The following KIAA0319L variants were observed in gnomAD, a reference collection of about 807,000 sequenced individuals.
The protein encoded by KIAA0319L is dyslexia-associated protein KIAA0319-like protein.
A neutral mutation model predicts 120.1 loss-of-function variants in KIAA0319L; 55 were observed. The observed-to-expected ratio is 0.46, with a 90% confidence interval of 0.37 to 0.57. KIAA0319L has a LOEUF of 0.57. KIAA0319L is among the 20% of genes least tolerant of loss of function. The pLI is 0.00. For missense variants in KIAA0319L, 1,049 were observed against 1,255.3 expected (o/e 0.84, Z 2.48); for synonymous variants, 398 against 471.9 (o/e 0.84, Z 2.03).
intron 4 of KIAA0319L, among the ~76,000 whole-genome samples, chr1:35,475,966 T>A (rs1207363967): frequency 6.6e-6 from 1 of 152,250 alleles, no homozygotes; most frequent in East Asian, 1.9e-4. Flanking sequence ...CTGCGGTGTT[T>A]GCCTTGCTTT....
intron 2 of KIAA0319L, among the ~76,000 whole-genome samples, chr1:35,521,495 A>C (rs1028873909): frequency 6.6e-6 from 1 of 151,166 alleles, no homozygotes; most frequent in Non-Finnish European, 1.5e-5. Flanking sequence ...TTAGTTGGGC[A>C]TGGTGGTGGG....
Position 35,434,427 on chromosome 1 carries a change from A to C in KIAA0319L, c.*467T>G. On this transcript the variant is annotated 3_prime_UTR_variant, in exon 21 of 21. Transcript: ENST00000325722. ...CCATCTCAGCATCTGTGGTGAGGGG[A>C]GGGGTGCCACTTCCTCTTTGCCCAG... 1 of 154,378 alleles carries C rather than the reference A, an allele frequency of 6.5e-6. No individual in the cohort carries two copies. Among genetic ancestry groups the C allele is most frequent in the Non-Finnish European group, 1.4e-5 (1 of 69,778 alleles). 9.6% of individuals were successfully genotyped at this position (154,378 alleles called of 1,614,324 possible). A position where few individuals can be genotyped will look rare whatever the true frequency, so the allele number is the denominator to read the frequency against.
At chr1:35,530,795 C>T (rs904966883) in intron 2 of KIAA0319L, among the ~76,000 whole-genome samples, 1 of 152,050 alleles carries the variant, frequency 6.6e-6, no homozygotes, top group Non-Finnish European at 1.5e-5. Context: ...GGCTTTGATT[C>T]TGGATGCATG....
At chr1:35,503,408 C>A (rs1645081018) in intron 3 of KIAA0319L, among the ~76,000 whole-genome samples, 1 of 152,214 alleles carries the variant, frequency 6.6e-6, no homozygotes, top group Non-Finnish European at 1.5e-5. Context: ...ACTCCAGGAA[C>A]TTTCTGGAAA....
intron 8 of KIAA0319L, among the ~76,000 whole-genome samples, chr1:35,461,723 A>G (rs1642906632): frequency 6.6e-6 from 1 of 152,174 alleles, no homozygotes; most frequent in African/African-American, 2.4e-5. Flanking sequence ...ACTTTCACCT[A>G]TTCAAAACTG....
intron 2 of KIAA0319L, among the ~76,000 whole-genome samples, chr1:35,523,957 A>C (rs545648794): frequency 5.3e-5 from 8 of 152,332 alleles, no homozygotes; most frequent in African/African-American, 1.9e-4. Flanking sequence ...ACCAAGTTAC[A>C]CAAGAATGTC....
intron 15 of KIAA0319L, 70 bp downstream of exon 15, chr1:35,449,797 G>A (rs1395086694): frequency 1.0e-5 from 16 of 1,542,596 alleles, no homozygotes; most frequent in East Asian, 2.3e-5. Flanking sequence ...CGGGGAAGGG[G>A]ATCTCAGGAT....
rs1383838798 is a variant in KIAA0319L at position 35,554,414 on chromosome 1, C to A, written c.78G>T (p.Lys26Asn). Residue 26 changes from lysine (K) to asparagine (N), a missense_variant, in exon 2 of 21, where the codon AAG becomes AAT. Transcript: ENST00000325722. The part of the protein sequence containing the change: ...LSGYYWQTSA[K>N]WLRSLYLFYT... ...AAAACAGGTACAGGCTTCTCAACCA[C>A]TTCGCAGATGTCTGCCAATAATATC... The A allele has an allele frequency of 6.2e-7, 1 of 1,613,496 alleles. No individual in the cohort carries two copies. Among genetic ancestry groups the A allele is most frequent in the South Asian group, 1.1e-5 (1 of 90,966 alleles).
In KIAA0319L at chr1:35,466,605, T is replaced by A; in HGVS notation, c.1201+3A>T. ...GGAGACACAGCCAGGGCTGAAAACA[T>A]ACCTGGCTTGACTGTCACGTTCACA... On this transcript the variant is annotated splice_donor_region_variant and intron_variant, in intron 7 of 20. Transcript: ENST00000325722. The A allele has an allele frequency of 6.2e-7, 1 of 1,604,762 alleles. No individual in the cohort carries two copies. The highest frequency in any genetic ancestry group is 8.5e-7 in the Non-Finnish European group (1 of 1,171,714).
intron 2 of KIAA0319L, among the ~76,000 whole-genome samples, chr1:35,530,061 A>G (rs2148465841): frequency 6.6e-6 from 1 of 151,374 alleles, no homozygotes; most frequent in South Asian, 2.1e-4. Context: ...TTTTGGAGAC[A>G]GGGTCTCATT....
intron 2 of KIAA0319L, among the ~76,000 whole-genome samples, chr1:35,528,593 T>C (rs1646243428): frequency 6.6e-6 from 1 of 152,230 alleles, no homozygotes; most frequent in Non-Finnish European, 1.5e-5. Context: ...ATTTTGCAGT[T>C]GGTAGATGAA....
intron 18 of KIAA0319L, 113 bp from the exon 19 acceptor site, chr1:35,442,449 G>A: frequency 1.3e-6 from 1 of 795,936 alleles, no homozygotes; most frequent in Non-Finnish European, 2.2e-6. Flanking sequence ...GAATGCCTCA[G>A]GCTCCCCAGG....
At chr1:35,451,583 TCTGACCCTAAGAGG>T in intron 13 of KIAA0319L, 31 bp downstream of exon 13, 1 of 1,580,642 alleles carries the variant, frequency 6.3e-7, no homozygotes, top group Non-Finnish European at 8.7e-7. Flanking sequence ...TCTTCAGCTA[TCTGACCCTAAGAGG>T]CTGCTACACA....
At chr1:35,481,652 T>C (rs565278827) in intron 3 of KIAA0319L, among the ~76,000 whole-genome samples, 113 of 152,144 alleles carry the variant, frequency 7.4e-4, no homozygotes, top group Middle Eastern at 3.4e-3. Flanking sequence ...TACAATAAAT[T>C]GAACATACAT....
intron 8 of KIAA0319L, 151 bp from the exon 9 acceptor site, chr1:35,460,588 G>C: frequency 1.5e-6 from 1 of 669,952 alleles, no homozygotes; most frequent in South Asian, 2.2e-5. Context: ...TTCTTCCCTA[G>C]GAATACTGGG....
At chr1:35,516,020 A>G (rs1288479842) in intron 2 of KIAA0319L, among the ~76,000 whole-genome samples, 1 of 152,186 alleles carries the variant, frequency 6.6e-6, no homozygotes, top group Non-Finnish European at 1.5e-5. Context: ...GATTCCCTGA[A>G]CAGACCAATA....
chr1:35,456,058 C>T lies in KIAA0319L; in HGVS notation c.1611G>A (p.Glu537=). 1.9e-6 allele frequency: 3 copies of T among 1,614,068 alleles called. No individual in the cohort carries two copies. The highest frequency in any genetic ancestry group is 2.5e-6 in the Non-Finnish European group (3 of 1,179,976). Residue 537 remains glutamate, a synonymous_variant, in exon 10 of 21, where the codon GAG becomes GAA. Coordinates refer to ENST00000325722, the MANE Select transcript of KIAA0319L (RefSeq NM_024874.5). Reference sequence around the variant, plus strand: ...CTTTGCTGCTTGGGCTGAGTGACCACTCATAGCTGGTGATGCCATGATCAT... The same window carrying T: ...CTTTGCTGCTTGGGCTGAGTGACCATTCATAGCTGGTGATGCCATGATCAT... The part of the protein sequence containing the change: ...STDDHGITSY[E]WSLSPSSKGK...
chr1:35,509,769 G>T (rs1175562231), intron 2 of KIAA0319L: 3 of 153,268 alleles, frequency 2.0e-5, no homozygotes, highest in East Asian at 1.9e-4. Flanking sequence ...CACCCAGGTC[G>T]AATGGAGATA....
At chr1:35,551,858 T>C (rs1163229089) in intron 2 of KIAA0319L, among the ~76,000 whole-genome samples, 1 of 152,182 alleles carries the variant, frequency 6.6e-6, no homozygotes, top group Non-Finnish European at 1.5e-5. Context: ...TTTGCACTTC[T>C]ATACTTAATT....
Sources: allele counts gnomAD v4.1 joint callset (sites outside exome capture counted in the v4.1 genomes callset), GRCh38; gene constraint gnomAD v4.1.1; transcripts MANE v1.5; gene names NCBI Gene and HGNC (gene_info 2026-07-23, HGNC 2026-07-21).